CDHR3: variants seen among roughly 807,000 people sequenced by gnomAD.
CDHR3 encodes the protein cadherin-related family member 3.
Under a neutral mutation model 86.6 loss-of-function variants are expected in CDHR3, and 79 were observed. That is an observed-to-expected ratio of 0.91 (90% confidence interval 0.76 to 1.10). The LOEUF is 1.10. Among genes scored for constraint, CDHR3 ranks in the 50% least tolerant of loss-of-function variants. CDHR3 has a pLI of 0.00. For synonymous variants in CDHR3, 421 were observed against 402.4 expected, an observed-to-expected ratio of 1.05 and a Z score of -0.55; for missense variants, 1,081 against 1,077.6, an observed-to-expected ratio of 1.00 and a Z score of -0.04.
rs575084375 is a variant in CDHR3, at chr7:105,976,502, C to T, written c.249+1456C>T. Among the ~76,000 whole-genome samples the T allele has an allele frequency of 1.4e-4, 22 of 152,268 alleles. No individual in the cohort carries two copies. The South Asian group carries it at 2.7e-3, about 19-fold the overall frequency. On this transcript the variant is annotated intron_variant, in intron 2 of 18. Transcript: ENST00000317716. The stretch of plus-strand genomic sequence containing the variant: ...CTCCAGCCATTTAAATTGTACAATT[C>T]GGTAGTTTTTAGTATATTCACAGTC...
At position 106,028,922 on chromosome 7, in the gene CDHR3, T is replaced by TTCTTTCTTTC. The variant is rs1563311778; in HGVS notation, c.2304+342_2304+351dup. On this transcript the variant is annotated intron_variant, in intron 17 of 18. Coordinates refer to ENST00000317716, the MANE Select transcript of CDHR3 (RefSeq NM_152750.5). Reference sequence around the variant, plus strand: ...GCCTCCAGTGAGATTTAAATTTTCTTTCTTTCTTTCTTTCTTTCTTTCTTT... The same window carrying TTCTTTCTTTC: ...GCCTCCAGTGAGATTTAAATTTTCTTTCTTTCTTTCTCTTTCTTTCTTTCTTTCTTTCTTT... 6.8e-3 allele frequency among the ~76,000 whole-genome samples: 574 copies of TTCTTTCTTTC among 84,740 alleles called. 11 individuals are homozygous for TTCTTTCTTTC. The highest frequency in any genetic ancestry group is 0.022 in the African/African-American group (445 of 19,864). The allele number at this position is 84,740 out of a possible 152,430, so 55.6% of individuals were successfully genotyped here.
chr7:106,002,735 C>T (rs1014201157), intron 7 of CDHR3, among the ~76,000 whole-genome samples: 5 of 152,084 alleles, frequency 3.3e-5, no homozygotes, highest in African/African-American at 1.2e-4. Context: ...TTCAAAGTCT[C>T]TAGTAGTCAC....
chr7:106,022,207 A>T lies in CDHR3; in HGVS notation c.1835A>T (p.Asn612Ile), dbSNP rs1563300807. 1 of 1,613,884 alleles carries T rather than the reference A, an allele frequency of 6.2e-7. No homozygotes were observed. The highest frequency in any genetic ancestry group is 1.1e-5 in the South Asian group (1 of 91,078). Residue 612 changes from asparagine to isoleucine, a missense_variant, in exon 14 of 19, where the codon AAC becomes ATC. By Grantham distance (149) the Asn-to-Ile change is moderately radical (BLOSUM62 -3). Coordinates refer to ENST00000317716, the MANE Select transcript of CDHR3 (RefSeq NM_152750.5). The part of the protein sequence containing the change: ...FRYSIGPGNV[N>I]NHFTFSPNAG... ...ATCAAATCTCATTTAGGTAACGTCA[A>T]CAATCATTTCACCTTCTCTCCCAAT...
In CDHR3 at chr7:106,032,380, T is replaced by A; in HGVS notation, c.2354-13T>A. The A allele has an allele frequency of 1.9e-6, 3 of 1,596,276 alleles. No individual in the cohort carries two copies. Among genetic ancestry groups the A allele is most frequent in the Non-Finnish European group, 2.6e-6 (3 of 1,168,984 alleles). On this transcript the variant is annotated splice_polypyrimidine_tract_variant and intron_variant, in intron 18 of 18. Coordinates refer to ENST00000317716, the MANE Select transcript of CDHR3 (RefSeq NM_152750.5). ...TTCTGGCTTATGTGATTGTTGTATT[T>A]TTTTTTCACTAGTGACCGGGGAAAC...
At chr7:106,013,373 G>T (rs1835105290) in intron 9 of CDHR3, among the ~76,000 whole-genome samples, 1 of 152,166 alleles carries the variant, frequency 6.6e-6, no homozygotes, top group African/African-American at 2.4e-5. Context: ...CCGGCCCATA[G>T]AGCTGTGAGG....
At chr7:106,022,503 A>T in intron 14 of CDHR3, 55 bp downstream of exon 14, 1 of 1,582,324 alleles carries the variant, frequency 6.3e-7, no homozygotes, top group Non-Finnish European at 8.6e-7. Flanking sequence ...AGTTATGTTG[A>T]TGGACTTCTT....
rs571736198 is a variant in CDHR3, at chr7:105,995,774, C to G, written c.609-476C>G. Among the ~76,000 whole-genome samples the G allele has an allele frequency of 2.6e-5, 4 of 152,184 alleles. No individual in the cohort carries two copies. The South Asian group carries it at 6.2e-4, about 24-fold the overall frequency. ...CTATACAAGATTTCTCAGACCCCATCTTGTTTGGGAAAGGCAGCCATCCAA... is the reference window on the plus strand; with the variant it reads ...CTATACAAGATTTCTCAGACCCCATGTTGTTTGGGAAAGGCAGCCATCCAA... On this transcript the variant is annotated intron_variant, in intron 5 of 18. Coordinates refer to ENST00000317716, the MANE Select transcript of CDHR3 (RefSeq NM_152750.5).
chr7:105,964,825 T>G (rs2115576426), intron 1 of CDHR3, among the ~76,000 whole-genome samples: 1 of 152,318 alleles, frequency 6.6e-6, no homozygotes, highest in African/African-American at 2.4e-5. Context: ...TATCTTGGGC[T>G]TTTCAACTCA....
intron 10 of CDHR3, 107 bp from the exon 11 acceptor site, chr7:106,015,820 A>G (rs750206035): frequency 1.2e-5 from 10 of 816,500 alleles, no homozygotes; most frequent in South Asian, 1.2e-4. Context: ...GCCACCTGGT[A>G]TCCCCTATGC....
intron 4 of CDHR3, among the ~76,000 whole-genome samples, chr7:105,988,458 C>T (rs79384054): frequency 0.029 from 4,472 of 152,258 alleles, 98 homozygotes; most frequent in Non-Finnish European, 0.039. Flanking sequence ...GTGGGGTCCA[C>T]GAGTCACCCT....
At chr7:105,967,174 A>C (rs1827095191) in intron 1 of CDHR3, among the ~76,000 whole-genome samples, 1 of 151,806 alleles carries the variant, frequency 6.6e-6, no homozygotes, top group Admixed American at 6.6e-5. Flanking sequence ...CTCATTGTTC[A>C]CTTCCCACTT....
intron 6 of CDHR3, among the ~76,000 whole-genome samples, chr7:105,997,803 G>A (rs1832486953): frequency 6.6e-6 from 1 of 152,112 alleles, no homozygotes; most frequent in African/African-American, 2.4e-5. Context: ...TTTTAGCAGA[G>A]AGAGAGAGAG....
At position 106,020,501 on chromosome 7, in the gene CDHR3, C is replaced by A. The variant is rs752451541; in HGVS notation, c.1782C>A (p.Asp594Glu). The part of the protein sequence containing the change: ...NIQNFKLTCT[D>E]LDSSPRSFRY... ...AGAATTTCAAGCTGACATGTACCGA[C>A]CTTGATTCCAGCCCCAGATCTTTCC... Residue 594 changes from aspartate to glutamate, a missense_variant, in exon 13 of 19, where the codon GAC becomes GAA. Asp to Glu is a conservative substitution (Grantham distance 45). Coordinates refer to ENST00000317716, the MANE Select transcript of CDHR3 (RefSeq NM_152750.5). 1 of 1,613,988 alleles carries A rather than the reference C, an allele frequency of 6.2e-7. No individual in the cohort carries two copies.
chr7:106,024,378 A>C lies in CDHR3; in HGVS notation c.2077-3A>C. ...TCACCCTCCCTGCTCTCTGTTGTTC[A>C]AGCCCAGGGTCACCTATCAGGTCCT... is the stretch of plus-strand genomic sequence containing the variant. On this transcript the variant is annotated splice_region_variant and splice_polypyrimidine_tract_variant and intron_variant, in intron 14 of 18. Transcript: ENST00000317716. The C allele has an allele frequency of 6.2e-7, 1 of 1,613,716 alleles. No individual in the cohort carries two copies. The highest frequency in any genetic ancestry group is 1.3e-5 in the African/African-American group (1 of 75,060).
At chr7:105,980,717 A>T (rs1207374784) in intron 2 of CDHR3, among the ~76,000 whole-genome samples, 1 of 149,076 alleles carries the variant, frequency 6.7e-6, no homozygotes, top group African/African-American at 2.5e-5. Flanking sequence ...AGTCAATTGC[A>T]TCAGAAGGTC....
intron 12 of CDHR3, among the ~76,000 whole-genome samples, chr7:106,018,279 C>G (rs1255984643): frequency 6.6e-6 from 1 of 152,154 alleles, no homozygotes; most frequent in Non-Finnish European, 1.5e-5. Flanking sequence ...CTCTGTTGCC[C>G]AGGATGGAGT....
chr7:105,997,190 T>C (rs934444072), intron 6 of CDHR3, among the ~76,000 whole-genome samples: 6 of 152,194 alleles, frequency 3.9e-5, no homozygotes, highest in Non-Finnish European at 8.8e-5. Context: ...GCCTCAGAGC[T>C]GGGTAGAGGA....
intron 13 of CDHR3, among the ~76,000 whole-genome samples, chr7:106,021,946 A>C (rs1340098723): frequency 6.6e-6 from 1 of 152,098 alleles, no homozygotes; most frequent in Non-Finnish European, 1.5e-5. Context: ...GTGTTGTACT[A>C]TTGTCCTTTT....
chr7:106,023,555 C>T (rs1026681796), intron 14 of CDHR3, among the ~76,000 whole-genome samples: 12 of 152,292 alleles, frequency 7.9e-5, no homozygotes, highest in African/African-American at 2.9e-4. Context: ...TCTTCCTCCT[C>T]CTCCTCCTCC....
Sources: gnomAD v4.1 joint callset for allele counts (sites outside exome capture counted in the v4.1 genomes callset) on GRCh38, gnomAD v4.1.1 for gene constraint, MANE v1.5 for transcripts, NCBI Gene and HGNC (gene_info 2026-07-23, HGNC 2026-07-21) for gene names.